PLXDC2: variants seen among roughly 807,000 people sequenced by gnomAD.
The protein encoded by PLXDC2 is plexin domain-containing protein 2.
In PLXDC2, 40 loss-of-function variants were observed where a neutral mutation model predicts 68.9. The observed-to-expected ratio is 0.58, with a 90% CI of 0.45 to 0.76. The LOEUF (loss-of-function observed/expected upper bound fraction) is 0.76. Ranked by LOEUF, PLXDC2 falls within the 30% of genes least tolerant of loss-of-function variation. PLXDC2 has a pLI of 0.00. For missense variants in PLXDC2, 644 were observed against 661.9 expected, an observed-to-expected ratio of 0.97 and a Z score of 0.30; for synonymous variants, 243 against 234.2, an observed-to-expected ratio of 1.04 and a Z score of -0.34.
At chr10:20,028,410 G>C (rs1835438745) in intron 2 of PLXDC2, among the ~76,000 whole-genome samples, 1 of 152,126 alleles carries the variant, frequency 6.6e-6, no homozygotes, top group Admixed American at 6.5e-5. Context: ...GGTGTTATTT[G>C]AATATGAGAG....
At chr10:20,180,314 A>T (rs541177692) in intron 9 of PLXDC2, among the ~76,000 whole-genome samples, 1 of 152,184 alleles carries the variant, frequency 6.6e-6, no homozygotes, top group South Asian at 2.1e-4. Flanking sequence ...TTTATTTTTA[A>T]TTCTTCAGCA....
intron 12 of PLXDC2, among the ~76,000 whole-genome samples, chr10:20,227,299 G>C (rs1239431721): frequency 6.6e-6 from 1 of 152,132 alleles, no homozygotes; most frequent in Non-Finnish European, 1.5e-5. Flanking sequence ...AGTGTGAAGA[G>C]TGCAAAGATA....
intron 1 of PLXDC2, among the ~76,000 whole-genome samples, chr10:19,859,029 AG>A (rs1837269100): frequency 6.6e-6 from 1 of 150,794 alleles, no homozygotes; most frequent in African/African-American, 2.5e-5. Flanking sequence ...CGAGAGAGAG[AG>A]AGAGAGAGAG....
intron 10 of PLXDC2, among the ~76,000 whole-genome samples, chr10:20,215,859 A>G (rs930648397): frequency 1.3e-5 from 2 of 152,142 alleles, no homozygotes; most frequent in Admixed American, 6.6e-5. Context: ...AACCGGGAGA[A>G]TCATGATGGG....
intron 4 of PLXDC2, among the ~76,000 whole-genome samples, chr10:20,092,608 T>C (rs1045211864): frequency 2.0e-5 from 3 of 152,084 alleles, no homozygotes; most frequent in African/African-American, 7.2e-5. Context: ...TTATGATCTG[T>C]AGAAGGTTGA....
In PLXDC2 at chr10:19,829,171, T is replaced by C. The variant is rs1329991662; in HGVS notation, c.112+11980T>C. On this transcript the variant is annotated intron_variant, in intron 1 of 13. Coordinates refer to ENST00000377252, the MANE Select transcript of PLXDC2 (RefSeq NM_032812.9). ...GCTTTCCTCTTTTTTTTTTTTTTTT[T>C]TTTTTTTTGGCTTTTTGTCCTTCAG... Among the ~76,000 whole-genome samples the C allele has an allele frequency of 8.4e-4, 126 of 149,466 alleles. 1 individual carries two copies. Among genetic ancestry groups the C allele is most frequent in the Admixed American group, 2.0e-3 (30 of 14,994 alleles).
chr10:20,132,073 T>C (rs1378175319), intron 4 of PLXDC2, among the ~76,000 whole-genome samples: 1 of 152,216 alleles, frequency 6.6e-6, no homozygotes, highest in African/African-American at 2.4e-5. Context: ...AAGATATCTT[T>C]TAAGATCACT....
chr10:20,149,090 T>A (rs570177456), intron 6 of PLXDC2, among the ~76,000 whole-genome samples: 1 of 152,246 alleles, frequency 6.6e-6, no homozygotes, highest in East Asian at 1.9e-4. Context: ...TTAATTTTTA[T>A]TTCAGGTTCA....
At chr10:19,883,256 C>T (rs1191991870) in intron 1 of PLXDC2, among the ~76,000 whole-genome samples, 1 of 151,524 alleles carries the variant, frequency 6.6e-6, no homozygotes, top group Non-Finnish European at 1.5e-5. Context: ...GCCACCCCGC[C>T]TGGCCACTAA....
intron 1 of PLXDC2, among the ~76,000 whole-genome samples, chr10:19,831,682 T>C (rs370019292): frequency 3.3e-5 from 5 of 152,322 alleles, no homozygotes; most frequent in East Asian, 3.9e-4. Context: ...GAACATGTGA[T>C]ATTTGGTTTT....
At chr10:20,217,162 GTA>G (rs1394647374) in intron 10 of PLXDC2, among the ~76,000 whole-genome samples, 1 of 152,158 alleles carries the variant, frequency 6.6e-6, no homozygotes, top group African/African-American at 2.4e-5. Context: ...AAGGTAAACA[GTA>G]ATATGAAAGC....
intron 1 of PLXDC2, among the ~76,000 whole-genome samples, chr10:19,988,183 G>T (rs1292824144): frequency 6.6e-6 from 1 of 152,170 alleles, no homozygotes; most frequent in African/African-American, 2.4e-5. Context: ...CAATGATTTT[G>T]AAAGCCTTTG....
At chr10:19,942,079 A>C (rs1833829619) in intron 1 of PLXDC2, among the ~76,000 whole-genome samples, 1 of 152,298 alleles carries the variant, frequency 6.6e-6, no homozygotes, top group South Asian at 2.1e-4. Flanking sequence ...TCTTGAACTA[A>C]GGGGAAGATT....
intron 1 of PLXDC2, among the ~76,000 whole-genome samples, chr10:19,868,546 T>C (rs1046204392): frequency 6.6e-6 from 1 of 152,160 alleles, no homozygotes; most frequent in Non-Finnish European, 1.5e-5. Context: ...TCTATAAAAT[T>C]AGCTTGAAAA....
intron 6 of PLXDC2, among the ~76,000 whole-genome samples, chr10:20,155,774 C>G (rs1266815564): frequency 4.7e-4 from 72 of 152,140 alleles, no homozygotes; most frequent in Non-Finnish European, 5.9e-5. Flanking sequence ...GAATTATTCT[C>G]CCTTGATCAT....
At chr10:20,236,436 C>G (rs561025575) in intron 12 of PLXDC2, among the ~76,000 whole-genome samples, 1 of 152,160 alleles carries the variant, frequency 6.6e-6, no homozygotes, top group African/African-American at 2.4e-5. Context: ...CAGAGCGAGA[C>G]TCCGTCTAAA....
At chr10:20,124,520 C>A (rs1003744146) in intron 4 of PLXDC2, among the ~76,000 whole-genome samples, 1 of 152,118 alleles carries the variant, frequency 6.6e-6, no homozygotes, top group Admixed American at 6.5e-5. Context: ...CAATCCAAGT[C>A]ACGGCACCAA....
At chr10:20,202,646 G>A (rs1184641773) in intron 9 of PLXDC2, among the ~76,000 whole-genome samples, 1 of 152,144 alleles carries the variant, frequency 6.6e-6, no homozygotes, top group Non-Finnish European at 1.5e-5. Context: ...AGCAAAGATA[G>A]AAATTGGATT....
intron 1 of PLXDC2, among the ~76,000 whole-genome samples, chr10:19,850,159 C>T (rs1049061986): frequency 2.0e-5 from 3 of 152,102 alleles, no homozygotes; most frequent in Non-Finnish European, 4.4e-5. Flanking sequence ...TAATGCTAAC[C>T]ACACTGCCTG....
Sources: allele counts gnomAD v4.1 joint callset (sites outside exome capture counted in the v4.1 genomes callset), GRCh38; gene constraint gnomAD v4.1.1; transcripts MANE v1.5; gene names NCBI Gene and HGNC (gene_info 2026-07-23, HGNC 2026-07-21).